The following MAST2 variants were observed in gnomAD, a reference collection of about 807,000 sequenced individuals.
MAST2 encodes microtubule associated serine/threonine kinase 2.
MAST2 carries 70 observed loss-of-function variants against 147.4 expected under a neutral mutation model. The observed-to-expected ratio is 0.47, with a 90% confidence interval of 0.39 to 0.58. MAST2 has a LOEUF of 0.58. Among genes scored for constraint, MAST2 ranks in the 20% least tolerant of loss-of-function variants. The pLI is 0.00. For synonymous variants in MAST2, 869 were observed against 896.8 expected, an observed-to-expected ratio of 0.97 and a Z score of 0.55; for missense variants, 2,080 against 2,302.3, an observed-to-expected ratio of 0.90 and a Z score of 1.98.
chr1:45,843,316 C>T (rs924008356), intron 3 of MAST2, among the ~76,000 whole-genome samples: 8 of 152,032 alleles, frequency 5.3e-5, no homozygotes, highest in African/African-American at 1.7e-4. Flanking sequence ...ATTGCTTATG[C>T]TTTTGGTTTC....
intron 4 of MAST2, among the ~76,000 whole-genome samples, chr1:45,911,615 G>T (rs1466655426): frequency 6.6e-6 from 1 of 151,972 alleles, no homozygotes; most frequent in Admixed American, 6.6e-5. Flanking sequence ...AGGTAACCAG[G>T]TGCCAACATA....
chr1:45,874,067 C>T lies in MAST2; in HGVS notation c.469-8297C>T, dbSNP rs114770615. ...AACTCCTGAGCTCAAGCAATCCTCT[C>T]GCCTCGGCATCCCAAAGTGCTGGGA... On this transcript the variant is annotated intron_variant, in intron 3 of 28. Transcript: ENST00000361297. Among the ~76,000 whole-genome samples, 332 of 152,154 alleles carry T rather than the reference C, an allele frequency of 2.2e-3. 2 individuals are homozygous for T. Among genetic ancestry groups the T allele is most frequent in the African/African-American group, 7.6e-3 (314 of 41,510 alleles).
At chr1:45,825,047 A>G (rs1264055179) in intron 2 of MAST2, among the ~76,000 whole-genome samples, 7 of 151,950 alleles carry the variant, frequency 4.6e-5, no homozygotes, top group Non-Finnish European at 1.0e-4. Context: ...TTTTTTTGAG[A>G]TGGAGTTTCG....
At chr1:45,867,912 C>CTCAG (rs1317252207) in intron 3 of MAST2, among the ~76,000 whole-genome samples, 1 of 152,204 alleles carries the variant, frequency 6.6e-6, no homozygotes, top group Non-Finnish European at 1.5e-5. Flanking sequence ...GGTGTATTTG[C>CTCAG]TCAGCTTCAT....
Position 45,859,266 on chromosome 1 carries a change from ATTG to A in MAST2, c.469-23093_469-23091del, listed in dbSNP as rs1234940778. Among the ~76,000 whole-genome samples, 9 of 152,212 alleles carry A rather than the reference ATTG, an allele frequency of 5.9e-5. No individual in the cohort carries two copies. The South Asian group carries it at 1.5e-3, about 25-fold the overall frequency. ...CAAAAAGTGCCATCACACCCAGCTA[ATTG>A]TTGTATTTTTAATAGAGATGTGGTT... is the stretch of plus-strand genomic sequence containing the variant. On this transcript the variant is annotated intron_variant, in intron 3 of 28. Transcript: ENST00000361297.
At chr1:45,919,256 G>C (rs1472047599) in intron 4 of MAST2, among the ~76,000 whole-genome samples, 1 of 152,216 alleles carries the variant, frequency 6.6e-6, no homozygotes, top group African/African-American at 2.4e-5. Flanking sequence ...AGAATTGATA[G>C]AGGAGGAAGA....
chr1:45,917,519 C>G (rs753191206), intron 4 of MAST2: 2 of 1,366,550 alleles, frequency 1.5e-6, no homozygotes, highest in East Asian at 9.1e-5. Context: ...GTTCCAGCCG[C>G]CCACTGCCGT....
At chr1:45,848,585 TTGCCTCA>T (rs1388185222) in intron 3 of MAST2, among the ~76,000 whole-genome samples, 3 of 152,212 alleles carry the variant, frequency 2.0e-5, no homozygotes, top group African/African-American at 7.2e-5. Flanking sequence ...CCTCCAGACT[TTGCCTCA>T]TGCACCTTTT....
intron 8 of MAST2, 119 bp from the exon 9 acceptor site, chr1:46,008,177 A>G: frequency 1.5e-6 from 1 of 674,100 alleles, no homozygotes. Context: ...AGTACCCGTT[A>G]AAGTGGGAGT....
intron 4 of MAST2, among the ~76,000 whole-genome samples, chr1:45,889,779 T>A (rs758595698): frequency 1.1e-4 from 17 of 152,072 alleles, no homozygotes; most frequent in East Asian, 3.9e-4. Context: ...CTAATTTTTT[T>A]TTTTTATTTT....
At chr1:46,016,778 C>G (rs577600117) in intron 10 of MAST2, among the ~76,000 whole-genome samples, 1 of 152,146 alleles carries the variant, frequency 6.6e-6, no homozygotes, top group African/African-American at 2.4e-5. Flanking sequence ...CAACACCATC[C>G]CCATCAAGCT....
At chr1:45,865,978 CTGT>C (rs1275846181) in intron 3 of MAST2, among the ~76,000 whole-genome samples, 2 of 152,086 alleles carry the variant, frequency 1.3e-5, no homozygotes, top group African/African-American at 4.8e-5. Flanking sequence ...GTAGCTATTT[CTGT>C]TGTTTTCATT....
chr1:45,883,953 C>G (rs1170314785), intron 4 of MAST2, among the ~76,000 whole-genome samples: 1 of 115,278 alleles, frequency 8.7e-6, no homozygotes, highest in Non-Finnish European at 1.6e-5. Context: ...TTGAAAACTG[C>G]CTGAGATTTG....
rs180913518 is a variant in MAST2 at position 46,003,955 on chromosome 1, C to T, written c.747+1072C>T. Among the ~76,000 whole-genome samples, 101 of 152,262 alleles carry T rather than the reference C, an allele frequency of 6.6e-4. 1 individual carries two copies. The highest frequency in any genetic ancestry group is 2.3e-3 in the African/African-American group (95 of 41,542). ...TCAGTGTGCCTTTATTCCTGAATCT[C>T]GAGCAGGGAAAAGGAGTACATTTCC... On this transcript the variant is annotated intron_variant, in intron 7 of 28. Transcript: ENST00000361297.
chr1:45,882,406 G>GATT lies in MAST2; in HGVS notation c.500+16_500+18dup. ...AAGAAGAGGCAGCTTGTAAGTAGAT[G>GATT]ATTATTACCATTATGATTATGATCT... On this transcript the variant is annotated intron_variant, in intron 4 of 28. Coordinates refer to ENST00000361297, the MANE Select transcript of MAST2 (RefSeq NM_015112.3). 1 of 1,604,972 alleles carries GATT rather than the reference G, an allele frequency of 6.2e-7. No homozygotes were observed. Among genetic ancestry groups the GATT allele is most frequent in the Admixed American group, 1.7e-5 (1 of 59,946 alleles).
intron 3 of MAST2, among the ~76,000 whole-genome samples, chr1:45,856,018 G>C (rs1301993756): frequency 6.6e-6 from 1 of 152,160 alleles, no homozygotes; most frequent in Non-Finnish European, 1.5e-5. Context: ...CTTGAATATT[G>C]ATCTTGAATA....
intron 4 of MAST2, among the ~76,000 whole-genome samples, chr1:45,911,089 A>G (rs1287047194): frequency 6.6e-6 from 1 of 152,208 alleles, no homozygotes; most frequent in African/African-American, 2.4e-5. Flanking sequence ...CTGGCTCTAC[A>G]GTCAATAAAT....
chr1:46,029,648 C>A, intron 19 of MAST2, 81 bp downstream of exon 19: 2 of 1,445,174 alleles, frequency 1.4e-6, no homozygotes, highest in Non-Finnish European at 1.9e-6. Context: ...GAGGTTCAGG[C>A]TTCGGTTACG....
At position 46,023,089 on chromosome 1, in the gene MAST2, A is replaced by C. The variant is rs1646257848; in HGVS notation, c.1485+118A>C. On this transcript the variant is annotated intron_variant, in intron 13 of 28. Transcript: ENST00000361297. The surrounding 1 kb of genome is among the most constrained non-coding windows in gnomAD (Gnocchi z 4.9). ...GATGGGGGAGTTGGTGACAGCAAAC[A>C]CTGAGAAGTCATTCTACTCCCAGAA... 2.5e-6 allele frequency: 3 copies of C among 1,205,918 alleles called. No individual in the cohort carries two copies. In the Admixed American group the frequency reaches 5.3e-5, roughly 21 times the overall value. The allele number at this position is 1,205,918 out of a possible 1,614,324, so 74.7% of individuals were successfully genotyped here.
Sources: gnomAD v4.1 joint callset for allele counts (sites outside exome capture counted in the v4.1 genomes callset) on GRCh38, gnomAD v4.1.1 for gene constraint, Gnocchi (gnomAD v3.1) non-coding constraint, MANE v1.5 for transcripts, NCBI Gene and HGNC (gene_info 2026-07-23, HGNC 2026-07-21) for gene names.